Variants in FHL5 observed in about 807,000 individuals in gnomAD.
The protein encoded by FHL5 is four and a half LIM domains 5, also known as four and a half LIM domains protein 5.
Under a neutral mutation model 32.0 loss-of-function variants are expected in FHL5, and 33 were observed. The ratio of observed to expected loss-of-function variants is 1.03; its 90% CI spans 0.78 to 1.38. The LOEUF is 1.38. FHL5 is among the 40% of genes most tolerant of loss of function. FHL5 has a pLI of 0.00. For synonymous variants in FHL5, 114 were observed against 113.6 expected, an observed-to-expected ratio of 1.00 and a Z score of -0.02; for missense variants, 336 against 343.9, an observed-to-expected ratio of 0.98 and a Z score of 0.18.
intron 1 of FHL5, among the ~76,000 whole-genome samples, chr6:96,580,246 T>G (rs1396330873): frequency 2.0e-5 from 3 of 152,204 alleles, no homozygotes; most frequent in African/African-American, 7.2e-5. Context: ...GTAGAAATCC[T>G]TTACAAGTTG....
At chr6:96,598,896 C>T (rs760169772) in intron 1 of FHL5, among the ~76,000 whole-genome samples, 8 of 152,128 alleles carry the variant, frequency 5.3e-5, no homozygotes, top group Non-Finnish European at 8.8e-5. Flanking sequence ...TTTTCAAACG[C>T]ATTAATAAAT....
At chr6:96,594,227 TTATATATATATATATATATA>T (rs1178680000) in intron 1 of FHL5, among the ~76,000 whole-genome samples, 8,835 of 66,982 alleles carry the variant, frequency 0.13, 563 homozygotes, top group Non-Finnish European at 0.16. Flanking sequence ...ATATTAGAAT[TTATATATATATATATATATA>T]TATATATATA....
intron 1 of FHL5, among the ~76,000 whole-genome samples, chr6:96,589,096 T>C (rs1770862986): frequency 6.6e-6 from 1 of 152,128 alleles, no homozygotes; most frequent in Non-Finnish European, 1.5e-5. Context: ...CTGTATCATT[T>C]CTTAAATAAT....
intron 1 of FHL5, among the ~76,000 whole-genome samples, chr6:96,564,912 G>A (rs1289369544): frequency 3.3e-5 from 5 of 152,014 alleles, no homozygotes; most frequent in Non-Finnish European, 7.4e-5. Flanking sequence ...AGAGGAAGAG[G>A]AGGAGAAGGA....
At chr6:96,589,278 T>C (rs930440596) in intron 1 of FHL5, among the ~76,000 whole-genome samples, 5 of 152,140 alleles carry the variant, frequency 3.3e-5, no homozygotes, top group Non-Finnish European at 5.9e-5. Flanking sequence ...TCCACTATAT[T>C]AAAGTTTCAG....
intron 1 of FHL5, among the ~76,000 whole-genome samples, chr6:96,596,499 C>A (rs570378190): frequency 6.6e-6 from 1 of 152,122 alleles, no homozygotes; most frequent in African/African-American, 2.4e-5. Context: ...AATATATATT[C>A]TCTTCTTGTA....
intron 1 of FHL5, among the ~76,000 whole-genome samples, chr6:96,575,728 C>G (rs1443004958): frequency 6.6e-6 from 1 of 152,162 alleles, no homozygotes; most frequent in South Asian, 2.1e-4. Context: ...GAGAAGTTCT[C>G]TCTTACGATC....
chr6:96,581,085 G>A (rs963226646), intron 1 of FHL5, among the ~76,000 whole-genome samples: 2 of 151,926 alleles, frequency 1.3e-5, no homozygotes, highest in African/African-American at 2.4e-5. Flanking sequence ...CATTATATAG[G>A]GTCAAGATGA....
chr6:96,599,477 G>C (rs1771106835), intron 1 of FHL5, among the ~76,000 whole-genome samples: 1 of 152,086 alleles, frequency 6.6e-6, no homozygotes, highest in African/African-American at 2.4e-5. Flanking sequence ...TTACGGGCGT[G>C]AGCCACAGCA....
chr6:96,597,110 G>T (rs1771051389), intron 1 of FHL5, among the ~76,000 whole-genome samples: 1 of 151,764 alleles, frequency 6.6e-6, no homozygotes, highest in Non-Finnish European at 1.5e-5. Context: ...TCAGTCTTTG[G>T]CTTCTCAGAA....
Position 96,579,469 on chromosome 6 carries a change from C to G in FHL5, c.-13+16114C>G, listed in dbSNP as rs538637059. Among the ~76,000 whole-genome samples the G allele has an allele frequency of 8.8e-4, 134 of 152,154 alleles. 1 individual carries two copies. Among genetic ancestry groups the G allele is most frequent in the African/African-American group, 3.1e-3 (129 of 41,526 alleles). On this transcript the variant is annotated intron_variant, in intron 1 of 5. Coordinates refer to ENST00000450218, the MANE Select transcript of FHL5 (RefSeq NM_001322466.2). ...ATTCACAATAGTTTTAAAGACATTTCAATATGTACTATACTATTGTATTAG... is the reference window on the plus strand; with the variant it reads ...ATTCACAATAGTTTTAAAGACATTTGAATATGTACTATACTATTGTATTAG...
intron 4 of FHL5, among the ~76,000 whole-genome samples, chr6:96,608,210 G>C (rs749829626): frequency 6.6e-6 from 1 of 152,090 alleles, no homozygotes. Context: ...CAATTCAAGA[G>C]TGAAACTTCT....
chr6:96,613,755 C>T (rs1771460886), intron 5 of FHL5, among the ~76,000 whole-genome samples: 1 of 152,214 alleles, frequency 6.6e-6, no homozygotes, highest in African/African-American at 2.4e-5. Flanking sequence ...CTTAGATCTG[C>T]TGCTTACTAG....
intron 1 of FHL5, among the ~76,000 whole-genome samples, chr6:96,591,608 T>C (rs779742999): frequency 2.0e-5 from 3 of 152,218 alleles, no homozygotes; most frequent in Admixed American, 6.5e-5. Flanking sequence ...TTTTCAGCAA[T>C]TTGAATATAT....
chr6:96,578,628 G>A (rs1770634404), intron 1 of FHL5, among the ~76,000 whole-genome samples: 1 of 152,078 alleles, frequency 6.6e-6, no homozygotes, highest in Non-Finnish European at 1.5e-5. Context: ...AATCACTTGA[G>A]GTCAGGAGTT....
intron 1 of FHL5, among the ~76,000 whole-genome samples, chr6:96,592,251 T>C (rs1770936336): frequency 6.6e-6 from 1 of 152,108 alleles, no homozygotes; most frequent in Non-Finnish European, 1.5e-5. Flanking sequence ...AGGGGGCCAT[T>C]GTAGAGGCCC....
intron 1 of FHL5, among the ~76,000 whole-genome samples, chr6:96,581,081 A>G (rs1770687561): frequency 1.3e-5 from 2 of 152,264 alleles, no homozygotes; most frequent in South Asian, 2.1e-4. Flanking sequence ...TCAACATTAT[A>G]TAGGGTCAAG....
intron 1 of FHL5, among the ~76,000 whole-genome samples, chr6:96,581,330 T>C (rs775465375): frequency 4.6e-5 from 7 of 152,180 alleles, no homozygotes; most frequent in Admixed American, 6.6e-5. Flanking sequence ...TAGTAACCAA[T>C]TTACAATCTT....
At chr6:96,609,826 T>G (rs1013895976) in intron 4 of FHL5, among the ~76,000 whole-genome samples, 1 of 152,206 alleles carries the variant, frequency 6.6e-6, no homozygotes, top group African/African-American at 2.4e-5. Context: ...TAGCTCACTA[T>G]GGCCATGGCA....
Sources: allele counts gnomAD v4.1 joint callset (sites outside exome capture counted in the v4.1 genomes callset), GRCh38; gene constraint gnomAD v4.1.1; transcripts MANE v1.5; gene names NCBI Gene and HGNC (gene_info 2026-07-23, HGNC 2026-07-21).